FNIP2: variants seen among roughly 807,000 people sequenced by gnomAD.
FNIP2 encodes folliculin-interacting protein 2.
A neutral mutation model predicts 108.7 loss-of-function variants in FNIP2; 32 were observed. That is an observed-to-expected ratio of 0.29 (90% confidence interval 0.22 to 0.40). The LOEUF (loss-of-function observed/expected upper bound fraction) is 0.40. Ranked by LOEUF, FNIP2 falls within the 10% of genes least tolerant of loss-of-function variation. The pLI is 1.00. For missense variants in FNIP2, 1,202 were observed against 1,381.6 expected (o/e 0.87, Z 2.06); for synonymous variants, 480 against 496.7 (o/e 0.97, Z 0.45).
At chr4:158,811,231 G>T (rs937435526) in intron 1 of FNIP2, among the ~76,000 whole-genome samples, 7 of 152,034 alleles carry the variant, frequency 4.6e-5, no homozygotes, top group Non-Finnish European at 1.0e-4. Context: ...TTTAAGAAAG[G>T]TTTTTTAAAA....
chr4:158,821,424 C>A (rs1221349891), intron 1 of FNIP2, among the ~76,000 whole-genome samples: 1 of 152,162 alleles, frequency 6.6e-6, no homozygotes, highest in Non-Finnish European at 1.5e-5. Context: ...CCGAGTGGCC[C>A]CAGTCATATG....
At position 158,907,886 on chromosome 4, in the gene FNIP2, T is replaced by G. The variant is rs879569799; in HGVS notation, c.*3342T>G. On this transcript the variant is annotated 3_prime_UTR_variant, in exon 17 of 17. Coordinates refer to ENST00000264433, the MANE Select transcript of FNIP2 (RefSeq NM_020840.3). ...TCAAAAACGAGAAAATTCTGGAATT[T>G]GTCATTTGAAGCTCCATAAGAGAAA... 1.3e-5 allele frequency: 2 copies of G among 152,210 alleles called. No individual in the cohort carries two copies. Among genetic ancestry groups the G allele is most frequent in the Non-Finnish European group, 2.9e-5 (2 of 68,040 alleles). The allele number at this position is 152,210 out of a possible 1,614,324, so 9.4% of individuals were successfully genotyped here.
chr4:158,815,452 C>T (rs1237256140), intron 1 of FNIP2, among the ~76,000 whole-genome samples: 5 of 151,256 alleles, frequency 3.3e-5, no homozygotes, highest in Admixed American at 1.3e-4. Flanking sequence ...GCGCCAGCTC[C>T]GCTCACTGCA....
intron 14 of FNIP2, chr4:158,889,994 G>T (rs1291849584): frequency 1.0e-6 from 1 of 985,216 alleles, no homozygotes; most frequent in Non-Finnish European, 1.2e-6. Flanking sequence ...AGGGGTGAAA[G>T]GGTCATGAAA....
intron 1 of FNIP2, among the ~76,000 whole-genome samples, chr4:158,782,648 A>G (rs944990529): frequency 2.6e-5 from 4 of 152,154 alleles, no homozygotes; most frequent in Non-Finnish European, 4.4e-5. Flanking sequence ...TTGCGAGGAA[A>G]GGAGTTTGTG....
At chr4:158,784,983 TTAG>T (rs1368589381) in intron 1 of FNIP2, among the ~76,000 whole-genome samples, 1 of 152,168 alleles carries the variant, frequency 6.6e-6, no homozygotes, top group Non-Finnish European at 1.5e-5. Flanking sequence ...GTACAGTACG[TTAG>T]TAGGAGCTTG....
chr4:158,825,988 A>T lies in FNIP2; in HGVS notation c.180A>T (p.Arg60Ser), dbSNP rs764419891. ...IVYQDCDRRG[R>S]QVLFDSKAVQ... ...ACCAGGACTGTGACAGGAGAGGCAG[A>T]CAAGTCTTGTTTGACTCTAAAGCTG... The change falls in exon 2 of 17, where the codon AGA becomes AGT. Residue 60 changes from arginine (R) to serine (S), a missense_variant. Arg to Ser is a moderately radical substitution (Grantham distance 110). Transcript: ENST00000264433. 19 of 1,609,216 alleles carry T rather than the reference A, an allele frequency of 1.2e-5. No homozygotes were observed. Among genetic ancestry groups the T allele is most frequent in the Non-Finnish European group, 1.6e-5 (19 of 1,175,988 alleles).
rs946007210 is a variant in FNIP2 at position 158,905,844 on chromosome 4, C to G, written c.*1300C>G. The G allele has an allele frequency of 6.6e-6, 1 of 152,160 alleles. No individual in the cohort carries two copies. Among genetic ancestry groups the G allele is most frequent in the South Asian group, 2.1e-4 (1 of 4,828 alleles). 9.4% of individuals were successfully genotyped at this position (152,160 alleles called of 1,614,324 possible). A position where few individuals can be genotyped will look rare whatever the true frequency, so the allele number is the denominator to read the frequency against. On this transcript the variant is annotated 3_prime_UTR_variant, in exon 17 of 17. Transcript: ENST00000264433. ...AAGGACAGGAGCTAAGCTAGCAAAG[C>G]AAAACATCTTTAGCACTTTGCAGAT...
intron 14 of FNIP2, among the ~76,000 whole-genome samples, chr4:158,881,037 G>A (rs1003822687): frequency 6.6e-6 from 1 of 152,142 alleles, no homozygotes; most frequent in African/African-American, 2.4e-5. Context: ...TGTAACATAA[G>A]GAGAATTATT....
intron 16 of FNIP2, among the ~76,000 whole-genome samples, chr4:158,900,186 T>G (rs902786532): frequency 6.6e-6 from 1 of 152,246 alleles, no homozygotes; most frequent in Non-Finnish European, 1.5e-5. Context: ...GAGTTCTAAT[T>G]TGATTGCACT....
chr4:158,773,284 C>T (rs1012740868), intron 1 of FNIP2, among the ~76,000 whole-genome samples: 1 of 152,126 alleles, frequency 6.6e-6, no homozygotes, highest in African/African-American at 2.4e-5. Flanking sequence ...TCTCCTTGTC[C>T]TGAAAGATAC....
chr4:158,897,287 T>C (rs1043325573), intron 16 of FNIP2, among the ~76,000 whole-genome samples: 3 of 152,258 alleles, frequency 2.0e-5, no homozygotes, highest in Admixed American at 1.3e-4. Context: ...TTGTGAATAC[T>C]GCTTCAGTAA....
intron 7 of FNIP2, among the ~76,000 whole-genome samples, chr4:158,847,351 C>G (rs1336641504): frequency 6.6e-6 from 1 of 152,144 alleles, no homozygotes; most frequent in Non-Finnish European, 1.5e-5. Flanking sequence ...CTCCTTTCTT[C>G]CACTTGGAGA....
At chr4:158,883,452 A>G (rs938230513) in intron 14 of FNIP2, among the ~76,000 whole-genome samples, 11 of 152,154 alleles carry the variant, frequency 7.2e-5, no homozygotes, top group Non-Finnish European at 2.9e-5. Flanking sequence ...CGTGTTAGCC[A>G]GGATGGTCTC....
rs1775601381 is a variant in FNIP2, at chr4:158,769,108, C to CGGCCGCGCCGCCGCGAT, written c.-100_-84dup. 3.3e-6 allele frequency: 1 copy of CGGCCGCGCCGCCGCGAT among 300,312 alleles called. No homozygotes were observed. The highest frequency in any genetic ancestry group is 4.8e-6 in the Non-Finnish European group (1 of 206,502). The allele number at this position is 300,312 out of a possible 1,614,324, so 18.6% of individuals were successfully genotyped here. ...GGCCCCGCGCTCCCGCAAGGCTGGG[C>CGGCCGCGCCGCCGCGAT]GGCCGCGCCGCCGCGATGGCCCCGC... On this transcript the variant is annotated 5_prime_UTR_variant, in exon 1 of 17. In the 5' UTR this introduces an upstream ATG that the reference lacks. Transcript: ENST00000264433.
chr4:158,801,073 A>T (rs566384195), intron 1 of FNIP2, among the ~76,000 whole-genome samples: 23 of 152,046 alleles, frequency 1.5e-4, no homozygotes, highest in Non-Finnish European at 3.1e-4. Context: ...AATAATACTC[A>T]TTGGTTTGTA....
At chr4:158,801,766 G>A (rs920856896) in intron 1 of FNIP2, among the ~76,000 whole-genome samples, 9 of 152,166 alleles carry the variant, frequency 5.9e-5, no homozygotes, top group East Asian at 1.9e-4. Context: ...TTTCCTTAGC[G>A]CTGAGCTCGT....
At chr4:158,888,506 G>A (rs1782131304) in intron 14 of FNIP2, among the ~76,000 whole-genome samples, 1 of 152,144 alleles carries the variant, frequency 6.6e-6, no homozygotes, top group Non-Finnish European at 1.5e-5. Flanking sequence ...TTCAAGGAAT[G>A]GACTCCCGCA....
At position 158,789,366 on chromosome 4, in the gene FNIP2, C is replaced by T. The variant is rs984763490; in HGVS notation, c.107+20047C>T. On this transcript the variant is annotated intron_variant, in intron 1 of 16. Transcript: ENST00000264433. ...AATCACAGGCTTTTACCATTCAGAA[C>T]GCATTTTTTCATACCTAAGATACTA... Among the ~76,000 whole-genome samples the T allele has an allele frequency of 7.2e-5, 11 of 152,020 alleles. No individual in the cohort carries two copies. In the East Asian group the frequency reaches 1.3e-3, roughly 19 times the overall value.
Sources: allele counts gnomAD v4.1 joint callset (sites outside exome capture counted in the v4.1 genomes callset), GRCh38; gene constraint gnomAD v4.1.1; transcripts MANE v1.5; gene names NCBI Gene and HGNC (gene_info 2026-07-23, HGNC 2026-07-21).